Variants in ANO1 observed in about 807,000 individuals in gnomAD.
ANO1 encodes anoctamin 1, also known as anoctamin-1.
In ANO1, 59 loss-of-function variants were observed where a neutral mutation model predicts 124.0. The observed-to-expected ratio is 0.48, with a 90% CI of 0.39 to 0.59. The LOEUF (loss-of-function observed/expected upper bound fraction) is 0.59, where lower values mean the gene tolerates loss of function less well. Ranked by LOEUF, ANO1 falls within the 20% of genes least tolerant of loss-of-function variation. The pLI is 0.00. For synonymous variants in ANO1, 529 were observed against 532.0 expected, an observed-to-expected ratio of 0.99 and a Z score of 0.08; for missense variants, 1,059 against 1,328.0, an observed-to-expected ratio of 0.80 and a Z score of 3.15.
chr11:70,151,231 G>A (rs562044283), intron 12 of ANO1, among the ~76,000 whole-genome samples: 1 of 152,360 alleles, frequency 6.6e-6, no homozygotes, highest in African/African-American at 2.4e-5. Context: ...CGGCTGCCCG[G>A]CTAGTGGCCA....
intron 1 of ANO1, among the ~76,000 whole-genome samples, chr11:70,032,618 T>C (rs1857022958): frequency 6.6e-6 from 1 of 151,898 alleles, no homozygotes; most frequent in African/African-American, 2.4e-5. Flanking sequence ...AGTGTCTGAG[T>C]GGCCAGTGGT....
intron 1 of ANO1, among the ~76,000 whole-genome samples, chr11:70,038,123 C>T (rs1468643671): frequency 2.6e-5 from 4 of 152,156 alleles, no homozygotes; most frequent in Admixed American, 2.6e-4. Flanking sequence ...AAGAGCTTGT[C>T]ATTTCTTTGC....
intron 1 of ANO1, among the ~76,000 whole-genome samples, chr11:70,014,140 G>A (rs1555001524): frequency 6.6e-6 from 1 of 151,832 alleles, no homozygotes; most frequent in Admixed American, 6.5e-5. Flanking sequence ...CAGTTCCATT[G>A]CGGGTGAGAG....
chr11:70,075,569 G>C (rs1377246567), upstream of ANO1: 2 of 152,192 alleles, frequency 1.3e-5, no homozygotes, highest in African/African-American at 4.8e-5. Flanking sequence ...AGGCCAGCTG[G>C]GAGGCCCGGA....
chr11:70,106,097 C>T (rs1318396768), intron 5 of ANO1, among the ~76,000 whole-genome samples: 1 of 152,122 alleles, frequency 6.6e-6, no homozygotes, highest in Non-Finnish European at 1.5e-5. Flanking sequence ...TGTCTCAGAG[C>T]CGCCTCGTGG....
At chr11:70,172,153 A>G (rs972335016) in intron 22 of ANO1, among the ~76,000 whole-genome samples, 2 of 151,666 alleles carry the variant, frequency 1.3e-5, no homozygotes, top group Non-Finnish European at 2.9e-5. Flanking sequence ...AAAAGAAAAG[A>G]AAAAGAGTAA....
chr11:70,070,667 C>A (rs1857848356), intron 1 of ANO1, among the ~76,000 whole-genome samples: 1 of 152,202 alleles, frequency 6.6e-6, no homozygotes, highest in Non-Finnish European at 1.5e-5. Flanking sequence ...CAGAGTGAAA[C>A]TCCAAGTGAA....
intron 1 of ANO1, among the ~76,000 whole-genome samples, chr11:70,049,172 C>A (rs1555006013): frequency 1.3e-5 from 2 of 152,160 alleles, no homozygotes; most frequent in African/African-American, 4.8e-5. Context: ...AAACCATGAC[C>A]CGACATGAAG....
chr11:70,008,523 G>A (rs1224087962), intron 1 of ANO1, among the ~76,000 whole-genome samples: 1 of 152,138 alleles, frequency 6.6e-6, no homozygotes, highest in Non-Finnish European at 1.5e-5. Context: ...GAGTGGTCTT[G>A]GCACATTTGT....
In ANO1 at chr11:70,155,904, C is replaced by A. The variant is rs768344184; in HGVS notation, c.1426-7C>A. 3.2e-6 allele frequency: 5 copies of A among 1,541,584 alleles called. No individual in the cohort carries two copies. Among genetic ancestry groups the A allele is most frequent in the Non-Finnish European group, 4.4e-6 (5 of 1,143,234 alleles). On this transcript the variant is annotated splice_region_variant and splice_polypyrimidine_tract_variant and intron_variant, in intron 14 of 25. Transcript: ENST00000355303. ...CACGGTGCTCTCTTTCCCCCACCCC[C>A]CCTCAGAAGCGCCGGCATATTCCAG...
At chr11:70,133,449 G>T (rs1266723707) in intron 11 of ANO1, among the ~76,000 whole-genome samples, 2 of 152,224 alleles carry the variant, frequency 1.3e-5, no homozygotes, top group African/African-American at 4.8e-5. Context: ...ACCTAGAGGA[G>T]GTTCAGAGGA....
At chr11:70,108,521 T>A in intron 6 of ANO1, 117 bp downstream of exon 6, 3 of 1,152,960 alleles carry the variant, frequency 2.6e-6, no homozygotes, top group Non-Finnish European at 3.8e-6. Context: ...GGTTTTGATT[T>A]AAGCCTGTGT....
At chr11:70,167,103 G>A (rs1172054258) in intron 20 of ANO1, 139 bp from the exon 21 acceptor site, 2 of 1,101,168 alleles carry the variant, frequency 1.8e-6, no homozygotes, top group Non-Finnish European at 2.5e-6. Context: ...GCTGAGACAG[G>A]GCCACTGCAC....
At chr11:70,002,481 CA>C (rs1856402240) in intron 1 of ANO1, among the ~76,000 whole-genome samples, 2 of 80,518 alleles carry the variant, frequency 2.5e-5, no homozygotes, top group Non-Finnish European at 5.9e-5. Flanking sequence ...AAAAAAACAC[CA>C]AAAAAACACT....
At chr11:70,155,832 C>A in intron 14 of ANO1, 79 bp from the exon 15 acceptor site, 1 of 1,337,764 alleles carries the variant, frequency 7.5e-7, no homozygotes. Context: ...AAGATGGGGA[C>A]GGTTCCCTGG....
chr11:70,055,792 C>T (rs1220912308), intron 1 of ANO1, among the ~76,000 whole-genome samples: 1 of 151,524 alleles, frequency 6.6e-6, no homozygotes, highest in African/African-American at 2.4e-5. Context: ...TTTTTAATTG[C>T]CATATCTCTT....
chr11:70,061,905 A>G (rs75876129), intron 1 of ANO1, among the ~76,000 whole-genome samples: 6,879 of 152,258 alleles, frequency 0.045, 297 homozygotes, highest in Admixed American at 0.12. Flanking sequence ...GATCTTGAGT[A>G]AACCACAGGA....
chr11:70,106,852 A>G (rs546171928), intron 5 of ANO1, among the ~76,000 whole-genome samples: 3 of 152,336 alleles, frequency 2.0e-5, no homozygotes, highest in East Asian at 3.9e-4. Flanking sequence ...GCAAGTGGAT[A>G]GGAGTCAGAG....
At chr11:70,105,709 T>C in intron 4 of ANO1, 25 bp from the exon 5 acceptor site, 1 of 1,612,106 alleles carries the variant, frequency 6.2e-7, no homozygotes, top group Non-Finnish European at 8.5e-7. Context: ...AACTGTGTCT[T>C]GTTTCCTTCC....
Sources: gnomAD v4.1 joint callset for allele counts (sites outside exome capture counted in the v4.1 genomes callset) on GRCh38, gnomAD v4.1.1 for gene constraint, MANE v1.5 for transcripts, NCBI Gene and HGNC (gene_info 2026-07-23, HGNC 2026-07-21) for gene names.